ADAMTS17: variants seen among roughly 807,000 people sequenced by gnomAD.
ADAMTS17 encodes the protein A disintegrin and metalloproteinase with thrombospondin motifs 17.
In ADAMTS17, 113 loss-of-function variants were observed where a neutral mutation model predicts 141.5. That is an observed-to-expected ratio of 0.80 (90% CI 0.69 to 0.93). The LOEUF is 0.93. ADAMTS17 is among the 40% of genes least tolerant of loss of function. ADAMTS17 has a pLI of 0.00. For synonymous variants in ADAMTS17, 768 were observed against 630.6 expected, an observed-to-expected ratio of 1.22 and a Z score of -3.27; for missense variants, 1,659 against 1,517.9, an observed-to-expected ratio of 1.09 and a Z score of -1.54.
intron 3 of ADAMTS17, among the ~76,000 whole-genome samples, chr15:100,292,421 A>T (rs1298779171): frequency 1.3e-5 from 2 of 148,580 alleles, no homozygotes; most frequent in Non-Finnish European, 1.5e-5. Context: ...CCCGTTAGAG[A>T]CACTCACCCC....
chr15:100,176,412 C>G (rs1324989246), intron 8 of ADAMTS17, among the ~76,000 whole-genome samples: 1 of 152,178 alleles, frequency 6.6e-6, no homozygotes, highest in Non-Finnish European at 1.5e-5. Flanking sequence ...CTGCAGAAAT[C>G]ATGACTTAAT....
chr15:100,001,994 C>CAAAAAAA (rs71151931), intron 18 of ADAMTS17, among the ~76,000 whole-genome samples: 597 of 57,914 alleles, frequency 0.01, 3 homozygotes, highest in Non-Finnish European at 0.013. Flanking sequence ...AGGCCAAACC[C>CAAAAAAA]AAAAAAAAAA....
rs140081213 is a variant in ADAMTS17 at position 100,340,294 on chromosome 15, G to A, written c.450+745C>T. Among the ~76,000 whole-genome samples, 36 of 152,320 alleles carry A rather than the reference G, an allele frequency of 2.4e-4. 1 individual carries two copies. The highest frequency in any genetic ancestry group is 3.4e-3 in the Middle Eastern group (1 of 294). The stretch of plus-strand genomic sequence containing the variant: ...CTCCCCCTGGGAGCACCTGTTCCGG[G>A]TGCCTCAAATGCAACAGGCCAGGAA... On this transcript the variant is annotated intron_variant, in intron 2 of 21. Transcript: ENST00000268070.
chr15:100,332,109 A>G (rs527465372), intron 2 of ADAMTS17, among the ~76,000 whole-genome samples: 1 of 152,260 alleles, frequency 6.6e-6, no homozygotes, highest in Non-Finnish European at 1.5e-5. Flanking sequence ...CGCTCTAAGC[A>G]TATTTCAAGG....
chr15:100,022,924 C>T (rs1287496954), intron 18 of ADAMTS17, among the ~76,000 whole-genome samples: 3 of 152,168 alleles, frequency 2.0e-5, no homozygotes, highest in African/African-American at 7.2e-5. Flanking sequence ...GCTTTTGAGA[C>T]TTTTGCTCAG....
chr15:100,124,790 T>C (rs372268491), intron 12 of ADAMTS17, among the ~76,000 whole-genome samples: 1,598 of 152,154 alleles, frequency 0.011, 36 homozygotes, highest in African/African-American at 0.036. Flanking sequence ...GAGAGAAAGG[T>C]GAGCTCTACC....
At chr15:100,105,337 G>C (rs2141072052) in intron 14 of ADAMTS17, among the ~76,000 whole-genome samples, 1 of 152,308 alleles carries the variant, frequency 6.6e-6, no homozygotes, top group Admixed American at 6.5e-5. Flanking sequence ...TGCGCACCCT[G>C]GTGACTCTAC....
intron 1 of ADAMTS17, 30 bp from the exon 2 acceptor site, chr15:100,341,439 G>A: frequency 9.9e-7 from 1 of 1,011,650 alleles, no homozygotes; most frequent in Non-Finnish European, 1.2e-6. Flanking sequence ...GCGTCAGCGC[G>A]GCGGGGCCCG....
chr15:100,181,523 A>T (rs1273167769), intron 8 of ADAMTS17, among the ~76,000 whole-genome samples: 1 of 152,240 alleles, frequency 6.6e-6, no homozygotes, highest in Non-Finnish European at 1.5e-5. Context: ...CTCTTTAGCC[A>T]GCAAGTTATG....
Position 100,059,487 on chromosome 15 carries a change from C to T in ADAMTS17, c.2138-5433G>A, listed in dbSNP as rs567622649. Among the ~76,000 whole-genome samples, 6 of 152,354 alleles carry T rather than the reference C, an allele frequency of 3.9e-5. No individual in the cohort carries two copies. In the East Asian group the frequency reaches 5.8e-4, roughly 15 times the overall value. ...ACTTCCAACCTTTTCACTTTGGTGTCACTTAGCAAGATTCCAAATTTGCAA... is the reference window on the plus strand; with the variant it reads ...ACTTCCAACCTTTTCACTTTGGTGTTACTTAGCAAGATTCCAAATTTGCAA... On this transcript the variant is annotated intron_variant, in intron 15 of 21. Transcript: ENST00000268070.
intron 16 of ADAMTS17, 142 bp downstream of exon 16, chr15:100,053,755 G>A: frequency 8.3e-7 from 1 of 1,200,216 alleles, no homozygotes; most frequent in Non-Finnish European, 1.2e-6. Context: ...AGAGGACTGA[G>A]CAGCAGGGGA....
At chr15:100,168,121 G>C (rs1007625804) in intron 8 of ADAMTS17, among the ~76,000 whole-genome samples, 10 of 152,306 alleles carry the variant, frequency 6.6e-5, no homozygotes, top group Admixed American at 2.6e-4. Flanking sequence ...AGGCCCCACT[G>C]TATCTGTTAG....
intron 15 of ADAMTS17, among the ~76,000 whole-genome samples, chr15:100,078,928 A>G (rs1008759903): frequency 1.3e-5 from 2 of 152,234 alleles, no homozygotes; most frequent in African/African-American, 4.8e-5. Flanking sequence ...CTTCCGCAAA[A>G]AAGATATATG....
chr15:100,065,766 C>T (rs34802264), intron 15 of ADAMTS17, among the ~76,000 whole-genome samples: 31,873 of 152,046 alleles, frequency 0.21, 3,975 homozygotes, highest in East Asian at 0.51. Flanking sequence ...AGGTTTGTTA[C>T]ATATGTATAC....
intron 2 of ADAMTS17, among the ~76,000 whole-genome samples, chr15:100,340,352 G>T (rs1301709204): frequency 6.6e-6 from 1 of 152,172 alleles, no homozygotes; most frequent in African/African-American, 2.4e-5. Context: ...CCACAGCAAG[G>T]GAGCTCCTGG....
At chr15:100,085,215 G>A (rs752331010) in intron 15 of ADAMTS17, among the ~76,000 whole-genome samples, 10 of 152,172 alleles carry the variant, frequency 6.6e-5, no homozygotes, top group Admixed American at 1.3e-4. Context: ...CTCAGTAGCC[G>A]ACGTGATCAA....
intron 16 of ADAMTS17, among the ~76,000 whole-genome samples, chr15:100,052,273 G>A (rs73472499): frequency 0.019 from 2,824 of 152,330 alleles, 87 homozygotes; most frequent in African/African-American, 0.064. Flanking sequence ...GCAAAATGCA[G>A]CTCACTGGTG....
At chr15:100,205,401 A>G (rs538198715) in intron 7 of ADAMTS17, among the ~76,000 whole-genome samples, 1 of 152,288 alleles carries the variant, frequency 6.6e-6, no homozygotes, top group South Asian at 2.1e-4. Flanking sequence ...GAAACGAATA[A>G]GTGGTGATGT....
intron 3 of ADAMTS17, among the ~76,000 whole-genome samples, chr15:100,289,133 A>C (rs2044544998): frequency 6.6e-6 from 1 of 152,156 alleles, no homozygotes; most frequent in Non-Finnish European, 1.5e-5. Flanking sequence ...GATCCAAATA[A>C]ACCCAATCAT....
Sources: gnomAD v4.1 joint callset for allele counts (sites outside exome capture counted in the v4.1 genomes callset) on GRCh38, gnomAD v4.1.1 for gene constraint, MANE v1.5 for transcripts, NCBI Gene and HGNC (gene_info 2026-07-23, HGNC 2026-07-21) for gene names.